CEP72: variants seen among roughly 807,000 people sequenced by gnomAD.
The protein encoded by CEP72 is centrosomal protein 72.
A neutral mutation model predicts 65.7 loss-of-function variants in CEP72; 78 were observed. That is an observed-to-expected ratio of 1.19 (90% CI 0.99 to 1.43). CEP72 has a LOEUF of 1.43. Ranked by LOEUF, CEP72 falls within the 40% of genes most tolerant of loss-of-function variation. The pLI, the probability that CEP72 is intolerant of heterozygous loss-of-function variation, is 0.00. For missense variants in CEP72, 914 were observed against 832.9 expected (o/e 1.10, Z -1.20); for synonymous variants, 358 against 351.7 (o/e 1.02, Z -0.20).
At chr5:618,771 C>T (rs1736159825) in intron 1 of CEP72, among the ~76,000 whole-genome samples, 1 of 152,086 alleles carries the variant, frequency 6.6e-6, no homozygotes, top group Non-Finnish European at 1.5e-5. Context: ...GATGAGGAAC[C>T]TGAGCAGATA....
At chr5:646,484 G>A (rs148492919) in intron 10 of CEP72, among the ~76,000 whole-genome samples, 3 of 152,260 alleles carry the variant, frequency 2.0e-5, no homozygotes, top group Non-Finnish European at 4.4e-5. Flanking sequence ...TGACCTCATG[G>A]ATCAAGGATA....
chr5:638,779 G>A (rs1024789358), intron 7 of CEP72, among the ~76,000 whole-genome samples: 3 of 152,142 alleles, frequency 2.0e-5, no homozygotes, highest in African/African-American at 4.8e-5. Flanking sequence ...CTCTGACTGC[G>A]GCCTGGATGT....
intron 11 of CEP72, among the ~76,000 whole-genome samples, chr5:652,082 G>A (rs1443212286): frequency 6.6e-6 from 1 of 152,176 alleles, no homozygotes; most frequent in Non-Finnish European, 1.5e-5. Flanking sequence ...GGACTGTGGC[G>A]GCCGCGGGTG....
At chr5:641,578 C>A (rs188172690) in intron 9 of CEP72, 2 of 984,974 alleles carry the variant, frequency 2.0e-6, no homozygotes, top group South Asian at 9.4e-5. Flanking sequence ...ACGTGGCCCC[C>A]CCACCCCGCC....
intron 9 of CEP72, chr5:642,420 C>T (rs1484608656): frequency 1.1e-5 from 11 of 985,358 alleles, no homozygotes; most frequent in African/African-American, 8.7e-5. Flanking sequence ...CTGAAACACA[C>T]GTGACCGGCT....
downstream of CEP72, chr5:661,341 C>T (rs368453824): frequency 4.1e-3 from 621 of 152,282 alleles, 3 homozygotes; most frequent in South Asian, 9.3e-3. Context: ...CTGTCCCTCT[C>T]TCCTGGTGTC....
intron 4 of CEP72, among the ~76,000 whole-genome samples, chr5:626,835 G>GT (rs1029619749): frequency 1.5e-3 from 230 of 152,290 alleles, no homozygotes; most frequent in African/African-American, 5.4e-3. Flanking sequence ...AGAAATAGAA[G>GT]TAAGTATTGA....
At position 620,075 on chromosome 5, in the gene CEP72, C is replaced by CG. The variant is rs748002761; in HGVS notation, c.217_218insG (p.Gln73ArgfsTer45). The CG allele has an allele frequency of 1.0e-4, 161 of 1,599,012 alleles. No homozygotes were observed. The East Asian group carries it at 1.1e-3, about 11-fold the overall frequency. On this transcript the variant is annotated frameshift_variant, in exon 3 of 12. Coordinates refer to ENST00000264935, the MANE Select transcript of CEP72 (RefSeq NM_018140.4). LOFTEE classifies it high-confidence loss of function. ...CTGTGTTTTCTGTTGACAGGGCATTCAGTACCTGACTGCATTGGAGAGTCT... is the reference window on the plus strand; with the variant it reads ...CTGTGTTTTCTGTTGACAGGGCATTCGAGTACCTGACTGCATTGGAGAGTCT...
chr5:674,062 T>G, the CEP72 span, among the ~76,000 whole-genome samples: 1 of 152,212 alleles, frequency 6.6e-6, no homozygotes, highest in African/African-American at 2.4e-5. Flanking sequence ...GCCAAGGCTG[T>G]GCACATGGGG....
Position 628,863 on chromosome 5 carries a change from C to T in CEP72, c.512+4284C>T, listed in dbSNP as rs1169523416. ...CCAGGACCCAGCGCCCTTCTTTGTG[C>T]AGCGTTCTGGAGAACTCAGGTTGCC... is the stretch of plus-strand genomic sequence containing the variant. On this transcript the variant is annotated intron_variant, in intron 4 of 11. Coordinates refer to ENST00000264935, the MANE Select transcript of CEP72 (RefSeq NM_018140.4). 9.5e-4 allele frequency among the ~76,000 whole-genome samples: 105 copies of T among 110,246 alleles called. 1 individual carries two copies. Among genetic ancestry groups the T allele is most frequent in the African/African-American group, 4.0e-3 (97 of 24,348 alleles). 72.3% of individuals were successfully genotyped at this position (110,246 alleles called of 152,430 possible).
At chr5:665,451 A>C in intron 3 of CEP72, 1 of 701,498 alleles carries the variant, frequency 1.4e-6, no homozygotes, top group Non-Finnish European at 2.3e-6. Flanking sequence ...TCTTATTTTT[A>C]CCTCTCCTGA....
chr5:648,341 T>TGTGACTGTGAGGCGTGGACTGTGAGGG (rs1738567794), intron 11 of CEP72, among the ~76,000 whole-genome samples: 1 of 51,090 alleles, frequency 2.0e-5, no homozygotes, highest in Admixed American at 2.1e-4. Flanking sequence ...GACTGTGAGG[T>TGTGACTGTGAGGCGTGGACTGTGAGGG]GTGACTGTGA....
Position 635,307 on chromosome 5 carries a change from A to G in CEP72, c.692-65A>G. 3.1e-6 allele frequency: 4 copies of G among 1,285,368 alleles called. No individual in the cohort carries two copies. The South Asian group carries it at 5.3e-5, about 17-fold the overall frequency. The allele number at this position is 1,285,368 out of a possible 1,614,324, so 79.6% of individuals were successfully genotyped here. A position where few individuals can be genotyped will look rare whatever the true frequency, so the allele number is the denominator to read the frequency against. The stretch of plus-strand genomic sequence containing the variant: ...TACACTATTCAGAAGCTTAAAATGT[A>G]ATTTTTGATGGAATAAAACTTTTAC... On this transcript the variant is annotated intron_variant, in intron 5 of 11. Transcript: ENST00000264935.
intron 11 of CEP72, among the ~76,000 whole-genome samples, chr5:651,727 T>G (rs1739112228): frequency 6.6e-6 from 1 of 151,928 alleles, no homozygotes; most frequent in South Asian, 2.1e-4. Flanking sequence ...CAAGGACAGG[T>G]CGCTCTGGGC....
rs760779168 is a variant in CEP72, at chr5:635,524, G to A, written c.844G>A (p.Gly282Arg). The A allele has an allele frequency of 1.2e-5, 19 of 1,613,290 alleles. No homozygotes were observed. Among genetic ancestry groups the A allele is most frequent in the South Asian group, 5.5e-5 (5 of 91,076 alleles). The stretch of plus-strand genomic sequence containing the variant: ...CTGTGGAGAGCTTCCGCCACTGTAC[G>A]GAGCGGAGCCAGAGGCCTCCCGTGC... ...QLCGELPPLY[G>R]AEPEASRAPR... Residue 282 changes from glycine to arginine, a missense_variant, in exon 6 of 12, where the codon GGA (glycine) becomes AGA (arginine). Coordinates refer to ENST00000264935, the MANE Select transcript of CEP72 (RefSeq NM_018140.4).
In CEP72 at chr5:637,653, C is replaced by G. The variant is rs980517276; in HGVS notation, c.1041C>G (p.Asp347Glu). 2 of 1,613,902 alleles carry G rather than the reference C, an allele frequency of 1.2e-6. No individual in the cohort carries two copies. The highest frequency in any genetic ancestry group is 2.7e-5 in the African/African-American group (2 of 74,944). Residue 347 changes from aspartate (D) to glutamate (E), a missense_variant, in exon 7 of 12, where the codon GAC (aspartate) becomes GAG (glutamate). By Grantham distance (45) the Asp-to-Glu change is conservative. Transcript: ENST00000264935. ...TTGGAAGATTCCAGACGTTTTCGGA[C>G]CAGGAGGGTTTGGGCTGCCCGGAGA... ...MPVGRFQTFS[D>E]QEGLGCPERT...
At chr5:669,974 T>G (rs1740150067), downstream of CEP72, among the ~76,000 whole-genome samples, 1 of 151,952 alleles carries the variant, frequency 6.6e-6, no homozygotes. Context: ...TCATTGCCCA[T>G]GCTCTCCCCA....
rs1248130017 is a variant in CEP72, at chr5:644,320, GATAA to G, written c.1564_1567del (p.Lys522LeufsTer8). 2.5e-6 allele frequency: 4 copies of G among 1,613,794 alleles called. No individual in the cohort carries two copies. Among genetic ancestry groups the G allele is most frequent in the Non-Finnish European group, 3.4e-6 (4 of 1,179,920 alleles). ...GCAGGATGATTTGAGACAACATTTA[GATAA>G]ATCTTTGGAAGAGAACAGTAGGTTA... On this transcript the variant is annotated frameshift_variant, in exon 10 of 12. Transcript: ENST00000264935. LOFTEE classifies it high-confidence loss of function.
intron 11 of CEP72, among the ~76,000 whole-genome samples, chr5:650,034 A>C (rs1192569449): frequency 9.3e-6 from 1 of 107,496 alleles, no homozygotes; most frequent in African/African-American, 3.7e-5. Context: ...GTGAGGTGTG[A>C]CTGTGAGGCG....
Sources: allele counts gnomAD v4.1 joint callset (sites outside exome capture counted in the v4.1 genomes callset), GRCh38; gene constraint gnomAD v4.1.1; transcripts MANE v1.5; gene names NCBI Gene and HGNC (gene_info 2026-07-23, HGNC 2026-07-21).